MRTFA: variants seen among roughly 807,000 people sequenced by gnomAD.
MRTFA encodes the protein myocardin related transcription factor A, also known as myocardin-related transcription factor A.
MRTFA carries 20 observed loss-of-function variants against 83.5 expected under a neutral mutation model. That is an observed-to-expected ratio of 0.24 (90% confidence interval 0.17 to 0.35). The LOEUF (loss-of-function observed/expected upper bound fraction) is 0.35. Ranked by LOEUF, MRTFA falls within the 10% of genes least tolerant of loss-of-function variation. The pLI is 1.00. For synonymous variants in MRTFA, 659 were observed against 541.2 expected, an observed-to-expected ratio of 1.22 and a Z score of -3.02; for missense variants, 1,200 against 1,224.7, an observed-to-expected ratio of 0.98 and a Z score of 0.30.
intron 3 of MRTFA, chr22:40,533,942 T>C (rs943539510): frequency 3.2e-5 from 9 of 277,862 alleles, no homozygotes; most frequent in Non-Finnish European, 4.0e-5. Flanking sequence ...GGGAGAGACA[T>C]ATATAAAGAG....
rs1410958623 is a variant in MRTFA, at chr22:40,423,521, C to T, written c.927+15G>A. The T allele has an allele frequency of 1.4e-6, 2 of 1,471,880 alleles. No individual in the cohort carries two copies. Among genetic ancestry groups the T allele is most frequent in the Admixed American group, 4.4e-5 (2 of 45,678 alleles). 91.2% of individuals were successfully genotyped at this position (1,471,880 alleles called of 1,614,324 possible). On this transcript the variant is annotated intron_variant, in intron 9 of 14. Transcript: ENST00000355630. Reference sequence around the variant, plus strand: ...CACAGGGAAGGGGAGGGTACAATCACTGGCAGAAATGTACCTTAATGAGTG... The same window carrying T: ...CACAGGGAAGGGGAGGGTACAATCATTGGCAGAAATGTACCTTAATGAGTG...
At chr22:40,545,433 CTTT>C (rs1193828918) in intron 3 of MRTFA, among the ~76,000 whole-genome samples, 1 of 142,926 alleles carries the variant, frequency 7.0e-6, no homozygotes, top group Non-Finnish European at 1.5e-5. Flanking sequence ...CACTGAATTC[CTTT>C]TTTTTTTTTT....
chr22:40,558,133 T>C (rs1159317360), intron 2 of MRTFA, among the ~76,000 whole-genome samples: 1 of 151,626 alleles, frequency 6.6e-6, no homozygotes, highest in Non-Finnish European at 1.5e-5. Context: ...TTGCCCAGGC[T>C]AGGGTGCAGT....
chr22:40,634,473 A>G (rs185566097), intron 1 of MRTFA, among the ~76,000 whole-genome samples: 1 of 152,182 alleles, frequency 6.6e-6, no homozygotes, highest in Non-Finnish European at 1.5e-5. Context: ...CTCAAATGCC[A>G]TTTTCTTTGA....
chr22:40,429,841 G>T, intron 6 of MRTFA, 74 bp from the exon 7 acceptor site: 1 of 1,458,440 alleles, frequency 6.9e-7, no homozygotes, highest in Non-Finnish European at 9.2e-7. Context: ...CTCCAGAGCA[G>T]CTCTCCTTCC....
At chr22:40,463,414 A>C (rs1902238231) in intron 3 of MRTFA, 128 bp from the exon 4 acceptor site, 2 of 715,602 alleles carry the variant, frequency 2.8e-6, no homozygotes, top group African/African-American at 3.5e-5. Context: ...GTCCCCTTGA[A>C]GTGCAACTGT....
intron 1 of MRTFA, among the ~76,000 whole-genome samples, chr22:40,622,291 C>A (rs991851206): frequency 2.0e-5 from 3 of 151,758 alleles, no homozygotes; most frequent in African/African-American, 7.3e-5. Flanking sequence ...ACCAGCCCGG[C>A]CAAGATGGTG....
intron 2 of MRTFA, among the ~76,000 whole-genome samples, chr22:40,578,697 G>A (rs1390868848): frequency 1.3e-5 from 2 of 152,098 alleles, no homozygotes; most frequent in East Asian, 3.9e-4. Flanking sequence ...TGAGGCAAAC[G>A]GATTGCTTGG....
intron 2 of MRTFA, among the ~76,000 whole-genome samples, chr22:40,591,588 T>C (rs1043284378): frequency 1.3e-5 from 2 of 152,178 alleles, no homozygotes; most frequent in Non-Finnish European, 2.9e-5. Flanking sequence ...TTCTGGGGTA[T>C]TGGAAATGTA....
At chr22:40,528,317 T>A (rs1182965185) in intron 3 of MRTFA, among the ~76,000 whole-genome samples, 2 of 152,066 alleles carry the variant, frequency 1.3e-5, no homozygotes, top group African/African-American at 4.8e-5. Flanking sequence ...TTGGGAAAAA[T>A]TATAAACAAT....
At chr22:40,574,716 TA>T (rs201045598) in intron 2 of MRTFA, among the ~76,000 whole-genome samples, 2,445 of 152,140 alleles carry the variant, frequency 0.016, 63 homozygotes, top group African/African-American at 0.056. Flanking sequence ...TTATAGATGT[TA>T]GCCACCATGC....
chr22:40,547,469 C>CA (rs961146823), intron 3 of MRTFA, among the ~76,000 whole-genome samples: 35 of 152,168 alleles, frequency 2.3e-4, no homozygotes, highest in African/African-American at 8.4e-4. Context: ...ACAGCAAGTA[C>CA]AAGGCCCTGG....
At chr22:40,539,215 G>T (rs2147291635) in intron 3 of MRTFA, among the ~76,000 whole-genome samples, 1 of 151,712 alleles carries the variant, frequency 6.6e-6, no homozygotes, top group East Asian at 1.9e-4. Flanking sequence ...GCCCAGGCTG[G>T]TCTTGAACTC....
At chr22:40,548,005 C>CA (rs912554071) in intron 3 of MRTFA, among the ~76,000 whole-genome samples, 3 of 152,082 alleles carry the variant, frequency 2.0e-5, no homozygotes, top group Admixed American at 2.0e-4. Context: ...TTCAAAGGCT[C>CA]ACTCATTGCT....
intron 1 of MRTFA, among the ~76,000 whole-genome samples, chr22:40,597,206 G>C (rs1288920715): frequency 3.9e-5 from 6 of 152,166 alleles, no homozygotes; most frequent in Non-Finnish European, 1.5e-5. Flanking sequence ...CTTGCTGATA[G>C]AAGGCCCAAC....
chr22:40,617,592 T>C (rs2056467439), intron 1 of MRTFA, among the ~76,000 whole-genome samples: 1 of 151,856 alleles, frequency 6.6e-6, no homozygotes, highest in African/African-American at 2.4e-5. Context: ...CCAGGCGTGG[T>C]GGCGGGCGCC....
At chr22:40,429,261 T>C (rs532541903) in intron 7 of MRTFA, 22 of 599,350 alleles carry the variant, frequency 3.7e-5, no homozygotes, top group East Asian at 2.2e-4. Context: ...CACAGATTTC[T>C]AATTCCTGGC....
chr22:40,413,098 C>T (rs559722420), intron 14 of MRTFA, among the ~76,000 whole-genome samples: 110 of 137,394 alleles, frequency 8.0e-4, no homozygotes, highest in African/African-American at 2.9e-3. Flanking sequence ...GATTGCACCA[C>T]TGCACTCCAA....
chr22:40,466,192 A>G (rs2053810269), intron 3 of MRTFA, among the ~76,000 whole-genome samples: 1 of 152,248 alleles, frequency 6.6e-6, no homozygotes, highest in Non-Finnish European at 1.5e-5. Flanking sequence ...AGTTGATTTC[A>G]GAAAAAAATT....
Sources: gnomAD v4.1 joint callset for allele counts (sites outside exome capture counted in the v4.1 genomes callset) on GRCh38, gnomAD v4.1.1 for gene constraint, MANE v1.5 for transcripts, NCBI Gene and HGNC (gene_info 2026-07-23, HGNC 2026-07-21) for gene names.